TTN: variants seen among roughly 807,000 people sequenced by gnomAD.
The protein encoded by TTN is titin.
Under a neutral mutation model 3,223.0 loss-of-function variants are expected in TTN, and 1,525 were observed. The observed-to-expected ratio is 0.47, with a 90% confidence interval of 0.45 to 0.49. The LOEUF (loss-of-function observed/expected upper bound fraction) is 0.49, where lower values mean the gene tolerates loss of function less well. TTN is among the 20% of genes least tolerant of loss of function. TTN has a pLI of 0.00. For missense variants in TTN, 40,786 were observed against 43,424.0 expected (o/e 0.94, Z 5.40); for synonymous variants, 14,094 against 15,161.0 (o/e 0.93, Z 5.17).
intron 33 of TTN, among the ~76,000 whole-genome samples, chr2:178,771,845 A>C (rs2091537731): frequency 6.6e-6 from 1 of 152,174 alleles, no homozygotes. Flanking sequence ...ACTACATAAA[A>C]ATTTGCTAAA....
chr2:178,768,405 C>T (rs923107454), intron 38 of TTN, among the ~76,000 whole-genome samples: 23 of 152,164 alleles, frequency 1.5e-4, no homozygotes, highest in African/African-American at 5.5e-4. Context: ...ATCTACATCT[C>T]TATAGATTTG....
intron 41 of TTN, among the ~76,000 whole-genome samples, chr2:178,765,091 T>G (rs577844468): frequency 1.6e-4 from 25 of 152,280 alleles, no homozygotes; most frequent in African/African-American, 5.1e-4. Flanking sequence ...TTATCCCAGT[T>G]TCTGTTTGTG....
rs529018517 is a variant in TTN, at chr2:178,632,751, C to T, written c.43255G>A (p.Val14419Ile). The change falls in exon 235 of 363, where the codon GTC (valine) becomes ATC (isoleucine). Residue 14419 changes from valine to isoleucine, a missense_variant. Val to Ile is a conservative substitution (Grantham distance 29). Coordinates refer to ENST00000589042, the MANE Select transcript of TTN (RefSeq NM_001267550.2). ...AACTTAGCCTCATCTTTCTCGAAGA[C>T]TTTAACATCACTGAGAGGTGTGATG... ...IFITPLSDVK[V>I]FEKDEAKFEC... The T allele has an allele frequency of 1.0e-4, 169 of 1,613,156 alleles. 3 individuals are homozygous for T. In the South Asian group the frequency reaches 1.8e-3, roughly 17 times the overall value.
rs757575983 is a variant in TTN at position 178,739,136 on chromosome 2, C to T, written c.14092+5G>A. On this transcript the variant is annotated splice_donor_5th_base_variant and intron_variant, in intron 48 of 362. Coordinates refer to ENST00000589042, the MANE Select transcript of TTN (RefSeq NM_001267550.2). The stretch of plus-strand genomic sequence containing the variant: ...ATTTGATCTATTTTATCCTTAAAAT[C>T]CAACCTCTTTTTACTACAGTGAGTT... 10 of 1,501,654 alleles carry T rather than the reference C, an allele frequency of 6.7e-6. No individual in the cohort carries two copies. Among genetic ancestry groups the T allele is most frequent in the Non-Finnish European group, 8.0e-6 (9 of 1,126,848 alleles). 93.0% of individuals were successfully genotyped at this position (1,501,654 alleles called of 1,614,324 possible).
chr2:178,554,507 A>G lies in TTN; in HGVS notation c.88840T>C (p.Tyr29614His). The G allele has an allele frequency of 6.2e-7, 1 of 1,613,360 alleles. No homozygotes were observed. The highest frequency in any genetic ancestry group is 8.5e-7 in the Non-Finnish European group (1 of 1,179,704). The change falls in exon 332 of 363, where the codon TAT (tyrosine) becomes CAT (histidine). Residue 29614 changes from tyrosine to histidine, a missense_variant. By Grantham distance (83) the Tyr-to-His change is moderately conservative. Transcript: ENST00000589042. ...GATTCCAGTGGCTCGCCAATTCCAT[A>G]TTTGTTCACGGCTCGGACCCGGAAG... Reference protein sequence around the residue: ...YIFRVRAVNKYGIGEPLESDS... With the variant: ...YIFRVRAVNKHGIGEPLESDS...
At position 178,702,512 on chromosome 2, in the gene TTN, G is replaced by A; in HGVS notation, c.30375C>T (p.Phe10125=). 1 of 1,613,942 alleles carries A rather than the reference G, an allele frequency of 6.2e-7. No individual in the cohort carries two copies. Among genetic ancestry groups the A allele is most frequent in the African/African-American group, 1.3e-5 (1 of 75,018 alleles). The part of the protein sequence containing the change: ...TELTESQKYN[F]RNDGRCHYMT... The stretch of plus-strand genomic sequence containing the variant: ...TATAATGGCAGCGGCCATCATTCCT[G>A]AAGTTGTATTTCTGGCTCTCTGTCA... The change falls in exon 107 of 363, where the codon TTC becomes TTT. Residue 10125 remains phenylalanine (F), a synonymous_variant. Coordinates refer to ENST00000589042, the MANE Select transcript of TTN (RefSeq NM_001267550.2).
Position 178,562,230 on chromosome 2 carries a change from G to A in TTN, c.83902C>T (p.Pro27968Ser), listed in dbSNP as rs541254027. Residue 27968 changes from proline (P) to serine (S), a missense_variant, in exon 326 of 363, where the codon CCT (proline) becomes TCT (serine). By Grantham distance (74) the Pro-to-Ser change is moderately conservative. Coordinates refer to ENST00000589042, the MANE Select transcript of TTN (RefSeq NM_001267550.2). Reference sequence around the variant, plus strand: ...GCCTTTACATTGAAAGTATGGAAAGGAAGCTCAACTGAAGGCTTTATTTCA... The same window carrying A: ...GCCTTTACATTGAAAGTATGGAAAGAAAGCTCAACTGAAGGCTTTATTTCA... Reference protein sequence around the residue: ...DIEIKPSVELPFHTFNVKARE... With the variant: ...DIEIKPSVELSFHTFNVKARE... 9.3e-6 allele frequency: 15 copies of A among 1,612,612 alleles called. No homozygotes were observed. The African/African-American group carries it at 1.1e-4, about 11-fold the overall frequency.
chr2:178,554,601 A>T lies in TTN; in HGVS notation c.88746T>A (p.Ser29582=). 1 of 1,613,920 alleles carries T rather than the reference A, an allele frequency of 6.2e-7. No individual in the cohort carries two copies. The highest frequency in any genetic ancestry group is 1.7e-5 in the Admixed American group (1 of 60,010). Residue 29582 remains serine, a synonymous_variant, in exon 332 of 363, where the codon TCT becomes TCA. Coordinates refer to ENST00000589042, the MANE Select transcript of TTN (RefSeq NM_001267550.2). ...ACTCTTCCAAATGTTCAGACACCAT[A>T]GACCACACAACGCGGCTTGTCTCAC... ...EKRETSRVVW[S]MVSEHLEECI...
chr2:178,579,226 A>G lies in TTN; in HGVS notation c.67804T>C (p.Ser22602Pro), dbSNP rs780276317. ...ACTATAAGAGTTGTGTTAACCGCAG[A>G]TGACTCAACACTGACTCTAGTGTCA... ...ATDTRVSVES[S>P]AVNTTLIVYD... Residue 22602 changes from serine (S) to proline (P), a missense_variant, in exon 320 of 363, where the codon TCT (serine) becomes CCT (proline). Physicochemically the swap from Ser to Pro is moderately conservative, Grantham distance 74. Transcript: ENST00000589042. 1 of 1,613,494 alleles carries G rather than the reference A, an allele frequency of 6.2e-7. No homozygotes were observed. The highest frequency in any genetic ancestry group is 1.3e-5 in the African/African-American group (1 of 75,012).
intron 164 of TTN, 62 bp from the exon 165 acceptor site, chr2:178,665,522 G>A: frequency 6.5e-7 from 1 of 1,544,272 alleles, no homozygotes; most frequent in Non-Finnish European, 8.9e-7. Context: ...TTAATTAAAT[G>A]AGCTGAACCA....
intron 47 of TTN, chr2:178,744,973 C>A: frequency 1.0e-6 from 1 of 985,060 alleles, no homozygotes; most frequent in Non-Finnish European, 1.2e-6. Flanking sequence ...ATATTAATAA[C>A]GAAAACATTT....
At position 178,775,565 on chromosome 2, in the gene TTN, C is replaced by A; in HGVS notation, c.6299G>T (p.Arg2100Ile). Residue 2100 changes from arginine to isoleucine, a missense_variant, in exon 28 of 363, where the codon AGA becomes ATA. Physicochemically the swap from Arg to Ile is moderately conservative, Grantham distance 97. Transcript: ENST00000589042. ...GQGSDAHFRV[R>I]VVGKPDPECE... Reference sequence around the variant, plus strand: ...TTCGGGGTCTGGTTTCCCCACGACTCTGACCCGGAAGTGTGCATCAGATCC... The same window carrying A: ...TTCGGGGTCTGGTTTCCCCACGACTATGACCCGGAAGTGTGCATCAGATCC... 6.2e-7 allele frequency: 1 copy of A among 1,614,076 alleles called. No individual in the cohort carries two copies. Among genetic ancestry groups the A allele is most frequent in the East Asian group, 2.2e-5 (1 of 44,834 alleles).
chr2:178,799,580 T>C lies in TTN; in HGVS notation c.821A>G (p.Lys274Arg). ...GGACTGCTGCCGAGCCAGCTGTGCT[T>C]TGGCAGCAATAGACGGTGGTGTTGG... ...RSPTPPSIAA[K>R]AQLARQQSPS... The change falls in exon 6 of 363, where the codon AAA becomes AGA. Residue 274 changes from lysine (K) to arginine (R), a missense_variant. Lys to Arg is a conservative substitution (Grantham distance 26, BLOSUM62 2). Transcript: ENST00000589042. 6.2e-7 allele frequency: 1 copy of C among 1,614,102 alleles called. No homozygotes were observed. Among genetic ancestry groups the C allele is most frequent in the Non-Finnish European group, 8.5e-7 (1 of 1,180,004 alleles).
chr2:178,547,079 T>C lies in TTN; in HGVS notation c.94446A>G (p.Arg31482=). The change falls in exon 340 of 363, where the codon AGA becomes AGG. Residue 31482 remains arginine (R), a synonymous_variant. Coordinates refer to ENST00000589042, the MANE Select transcript of TTN (RefSeq NM_001267550.2). ...CACCTGCAGCATTGAGTGCATAAGT[T>C]CTGAACTGATATTCCAGTCCTTCTA... is the stretch of plus-strand genomic sequence containing the variant. ...GLVEGLEYQF[R]TYALNAAGVS... The C allele has an allele frequency of 1.9e-6, 3 of 1,613,858 alleles. No homozygotes were observed. The highest frequency in any genetic ancestry group is 2.5e-6 in the Non-Finnish European group (3 of 1,179,756).
At position 178,575,435 on chromosome 2, in the gene TTN, C is replaced by A; in HGVS notation, c.70697G>T (p.Gly23566Val). ...PKHDGGSKITGYVIEAQRKGS... is the reference protein window; with the variant it reads ...PKHDGGSKITVYVIEAQRKGS... ...TTTTCTTTGGGCTTCAATCACATAG[C>A]CAGTGATCTTGCTGCCACCATCGTG... Residue 23566 changes from glycine to valine, a missense_variant, in exon 326 of 363, where the codon GGC becomes GTC. Coordinates refer to ENST00000589042, the MANE Select transcript of TTN (RefSeq NM_001267550.2). This position sits in a 1 kb window ranked among gnomAD's most constrained non-coding sequence, Gnocchi z 4.0. 1 of 1,613,592 alleles carries A rather than the reference C, an allele frequency of 6.2e-7. No individual in the cohort carries two copies. Among genetic ancestry groups the A allele is most frequent in the South Asian group, 1.1e-5 (1 of 91,064 alleles).
chr2:178,551,591 A>G lies in TTN; in HGVS notation c.91270+39T>C, dbSNP rs1276697036. 7 of 1,482,638 alleles carry G rather than the reference A, an allele frequency of 4.7e-6. No individual in the cohort carries two copies. The Admixed American group carries it at 1.6e-4, about 34-fold the overall frequency. 91.8% of individuals were successfully genotyped at this position (1,482,638 alleles called of 1,614,324 possible). On this transcript the variant is annotated intron_variant, in intron 335 of 362. Coordinates refer to ENST00000589042, the MANE Select transcript of TTN (RefSeq NM_001267550.2). ...TGATATATTTGTTTCTAATATGTTC[A>G]ATTGCTAAACTAAATGTATTTGAAT...
chr2:178,764,191 C>T lies in TTN; in HGVS notation c.10100G>A (p.Arg3367Gln), dbSNP rs34819099. 0.015 allele frequency: 23,804 copies of T among 1,614,078 alleles called. 197 individuals carry two copies. The highest frequency in any genetic ancestry group is 0.018 in the Non-Finnish European group (20,753 of 1,179,966). ...SEGQPARFQC[R>Q]VSGTDLKVSW... is the part of the protein sequence containing the mutation. ...CTTAAACCTACCTGTTCCAGAAACC[C>T]GGCATTGAAAACGGGCTGGCTGCCC... is the stretch of plus-strand genomic sequence containing the variant. Residue 3367 changes from arginine (R) to glutamine (Q), a missense_variant, in exon 43 of 363, where the codon CGG becomes CAG. By Grantham distance (43) the Arg-to-Gln change is conservative (BLOSUM62 1). Transcript: ENST00000589042.
At chr2:178,696,341 C>A (rs1231979454) in intron 113 of TTN, 72 bp from the exon 114 acceptor site, 3 of 1,254,962 alleles carry the variant, frequency 2.4e-6, no homozygotes, top group African/African-American at 3.1e-5. Flanking sequence ...AAAAATCTAC[C>A]TAGTTAAACA....
chr2:178,535,858 GAAA>G lies in TTN; in HGVS notation c.100766-12_100766-10del, dbSNP rs749872538. 299 of 1,231,814 alleles carry G rather than the reference GAAA, an allele frequency of 2.4e-4. No individual in the cohort carries two copies. The highest frequency in any genetic ancestry group is 4.3e-4 in the South Asian group (25 of 58,694). The allele number at this position is 1,231,814 out of a possible 1,614,324, so 76.3% of individuals were successfully genotyped here. A position where few individuals can be genotyped will look rare whatever the true frequency, so the allele number is the denominator to read the frequency against. ...GTGTATCTTAGCTGGAACTGTATCAGAAAAAAAAAAAAAAAGAATATAATTTAG... is the reference window on the plus strand; with the variant it reads ...GTGTATCTTAGCTGGAACTGTATCAGAAAAAAAAAAAAGAATATAATTTAG... On this transcript the variant is annotated splice_polypyrimidine_tract_variant and intron_variant, in intron 357 of 362. Transcript: ENST00000589042.
Sources: gnomAD v4.1 joint callset for allele counts (sites outside exome capture counted in the v4.1 genomes callset) on GRCh38, gnomAD v4.1.1 for gene constraint, Gnocchi (gnomAD v3.1) non-coding constraint, MANE v1.5 for transcripts, NCBI Gene and HGNC (gene_info 2026-07-23, HGNC 2026-07-21) for gene names.